Variants in EDEM1 observed in about 807,000 individuals in gnomAD.
EDEM1 encodes the protein ER degradation-enhancing alpha-mannosidase-like protein 1.
Under a neutral mutation model 74.4 loss-of-function variants are expected in EDEM1, and 67 were observed. The ratio of observed to expected loss-of-function variants is 0.90; its 90% CI spans 0.74 to 1.10. The LOEUF is 1.10. Among genes scored for constraint, EDEM1 ranks in the 50% least tolerant of loss-of-function variants. The pLI is 0.00. For missense variants in EDEM1, 926 were observed against 851.6 expected (o/e 1.09, Z -1.09); for synonymous variants, 382 against 335.9 (o/e 1.14, Z -1.50).
intron 1 of EDEM1, chr3:5,188,536 C>T (rs2054858464): frequency 2.3e-6 from 1 of 429,108 alleles, no homozygotes; most frequent in African/African-American, 2.1e-5. Context: ...CTCCCGGAAT[C>T]TCCAAACTTC....
chr3:5,202,994 A>T lies in EDEM1; in HGVS notation c.887A>T (p.Asp296Val), dbSNP rs780190959. ...RVNLKTGVPP[D>V]TNNETCTAGA... The stretch of plus-strand genomic sequence containing the variant: ...AATCTAAAGACAGGAGTTCCTCCTG[A>T]CACCAATAATGAGACATGCACAGCG... The change falls in exon 5 of 12, where the codon GAC (aspartate) becomes GTC (valine). Residue 296 changes from aspartate to valine, a missense_variant. Asp to Val is a radical substitution (Grantham distance 152, BLOSUM62 -3). Coordinates refer to ENST00000256497, the MANE Select transcript of EDEM1 (RefSeq NM_014674.3). 1 of 1,613,688 alleles carries T rather than the reference A, an allele frequency of 6.2e-7. No homozygotes were observed. Among genetic ancestry groups the T allele is most frequent in the South Asian group, 1.1e-5 (1 of 91,076 alleles).
chr3:5,205,026 T>C (rs747835974), intron 5 of EDEM1, 41 bp from the exon 6 acceptor site: 3 of 1,603,194 alleles, frequency 1.9e-6, no homozygotes, highest in Non-Finnish European at 2.6e-6. Flanking sequence ...TCCTCCCCGA[T>C]GAGACAGCTG....
chr3:5,188,270 C>T lies in EDEM1; in HGVS notation c.465C>T (p.Leu155=). 1 of 1,558,020 alleles carries T rather than the reference C, an allele frequency of 6.4e-7. No homozygotes were observed. The highest frequency in any genetic ancestry group is 8.7e-7 in the Non-Finnish European group (1 of 1,153,346). The part of the protein sequence containing the change: ...YMAHAFPQDE[L]NPIHCRGRGP... ...CTCACGCCTTCCCCCAGGACGAGCT[C>T]AACCCCATCCACTGCCGCGGCCGTG... is the stretch of plus-strand genomic sequence containing the variant. The change falls in exon 1 of 12, where the codon CTC becomes CTT. Residue 155 remains leucine (L), a synonymous_variant. Transcript: ENST00000256497.
intron 1 of EDEM1, among the ~76,000 whole-genome samples, chr3:5,193,786 C>T (rs1335053566): frequency 6.6e-6 from 1 of 152,064 alleles, no homozygotes; most frequent in African/African-American, 2.4e-5. Flanking sequence ...TTAGTAGAGA[C>T]AGGGTCTTGC....
chr3:5,193,147 T>TA (rs2054921943), intron 1 of EDEM1, among the ~76,000 whole-genome samples: 1 of 152,126 alleles, frequency 6.6e-6, no homozygotes, highest in African/African-American at 2.4e-5. Context: ...AGAGGGGAGT[T>TA]ACATGTGGTT....
At chr3:5,211,506 T>C in intron 10 of EDEM1, 1 of 322,328 alleles carries the variant, frequency 3.1e-6, no homozygotes, top group East Asian at 6.7e-5. Context: ...TGTATCTAAC[T>C]ACAGGTGGTC....
chr3:5,205,174 G>A lies in EDEM1; in HGVS notation c.1150G>A (p.Gly384Arg). 6.2e-7 allele frequency: 1 copy of A among 1,614,168 alleles called. No homozygotes were observed. The highest frequency in any genetic ancestry group is 8.5e-7 in the Non-Finnish European group (1 of 1,180,018). The stretch of plus-strand genomic sequence containing the variant: ...CCTCTTGAAATCTTACATTCTCTTT[G>A]GAGAAAAAGAAGACCTAGAAATGTT... ...EYLLKSYILF[G>R]EKEDLEMFNA... is the part of the protein sequence containing the mutation. Residue 384 changes from glycine (G) to arginine (R), a missense_variant, in exon 6 of 12, where the codon GGA (glycine) becomes AGA (arginine). Coordinates refer to ENST00000256497, the MANE Select transcript of EDEM1 (RefSeq NM_014674.3).
intron 4 of EDEM1, 102 bp from the exon 5 acceptor site, chr3:5,202,864 G>T: frequency 9.9e-7 from 1 of 1,008,690 alleles, no homozygotes; most frequent in South Asian, 1.6e-5. Context: ...TCTCACCGTG[G>T]TAAGCTTGGT....
Position 5,216,039 on chromosome 3 carries a change from TC to T in EDEM1, c.*122del. 1 of 749,018 alleles carries T rather than the reference TC, an allele frequency of 1.3e-6. No individual in the cohort carries two copies. Among genetic ancestry groups the T allele is most frequent in the Non-Finnish European group, 2.2e-6 (1 of 452,252 alleles). 46.4% of individuals were successfully genotyped at this position (749,018 alleles called of 1,614,324 possible). On this transcript the variant is annotated 3_prime_UTR_variant, in exon 12 of 12. Transcript: ENST00000256497. ...TGCTGTCCATGGTGGTGTAGGAATTTCTGTGCAACACCTCACCACGTCTGGT... is the reference window on the plus strand; with the variant it reads ...TGCTGTCCATGGTGGTGTAGGAATTTTGTGCAACACCTCACCACGTCTGGT...
At chr3:5,210,368 T>C (rs2055153280) in intron 9 of EDEM1, 120 bp downstream of exon 9, 3 of 928,916 alleles carry the variant, frequency 3.2e-6, no homozygotes, top group Admixed American at 4.4e-5. Context: ...ATGTTACATT[T>C]ACAGGGAAAT....
intron 11 of EDEM1, among the ~76,000 whole-genome samples, chr3:5,214,572 A>G (rs558141743): frequency 4.6e-5 from 7 of 152,326 alleles, no homozygotes; most frequent in South Asian, 2.1e-4. Flanking sequence ...TTGCAAACAC[A>G]TACCAGGGTT....
In EDEM1 at chr3:5,188,261, G is replaced by T; in HGVS notation, c.456G>T (p.Gln152His). 6.3e-7 allele frequency: 1 copy of T among 1,576,336 alleles called. No individual in the cohort carries two copies. Among genetic ancestry groups the T allele is most frequent in the Non-Finnish European group, 8.6e-7 (1 of 1,163,574 alleles). Residue 152 changes from glutamine to histidine, a missense_variant, in exon 1 of 12, where the codon CAG becomes CAT. Physicochemically the swap from Gln to His is conservative, Grantham distance 24. Coordinates refer to ENST00000256497, the MANE Select transcript of EDEM1 (RefSeq NM_014674.3). ...ACTACATGGCTCACGCCTTCCCCCA[G>T]GACGAGCTCAACCCCATCCACTGCC... ...YDNYMAHAFP[Q>H]DELNPIHCRG...
At chr3:5,210,865 A>C (rs888205004) in intron 9 of EDEM1, among the ~76,000 whole-genome samples, 1 of 152,184 alleles carries the variant, frequency 6.6e-6, no homozygotes, top group Non-Finnish European at 1.5e-5. Flanking sequence ...GTGCCACGTT[A>C]TGCTTCTGGC....
chr3:5,205,308 A>AT (rs915868489), intron 6 of EDEM1, 67 bp downstream of exon 6: 47 of 1,489,144 alleles, frequency 3.2e-5, no homozygotes, highest in African/African-American at 7.0e-5. Context: ...AAGCGTTTGT[A>AT]TTTTTTTTAA....
At chr3:5,215,784 A>G in intron 11 of EDEM1, 45 bp from the exon 12 acceptor site, 2 of 1,529,540 alleles carry the variant, frequency 1.3e-6, no homozygotes, top group Non-Finnish European at 1.8e-6. Context: ...TTCCTGAGAG[A>G]GCAACATATG....
In EDEM1 at chr3:5,188,135, C is replaced by T. The variant is rs187085741; in HGVS notation, c.330C>T (p.Gly110=). 5.9e-6 allele frequency: 9 copies of T among 1,531,984 alleles called. No homozygotes were observed. The East Asian group carries it at 1.0e-4, about 18-fold the overall frequency. The allele number at this position is 1,531,984 out of a possible 1,614,324, so 94.9% of individuals were successfully genotyped here. A position where few individuals can be genotyped will look rare whatever the true frequency, so the allele number is the denominator to read the frequency against. ...ACGTGCTGGGCGGCCGGGGCCGCGG[C>T]CCGGACGAGTACGAGAAGCGCTACA... is the stretch of plus-strand genomic sequence containing the variant. ...WGYVLGGRGR[G]PDEYEKRYSG... Residue 110 remains glycine, a synonymous_variant, in exon 1 of 12, where the codon GGC becomes GGT. Coordinates refer to ENST00000256497, the MANE Select transcript of EDEM1 (RefSeq NM_014674.3).
In EDEM1 at chr3:5,211,123, T is replaced by C. The variant is rs372043425; in HGVS notation, c.1587T>C (p.Cys529=). The change falls in exon 10 of 12, where the codon TGT becomes TGC. Residue 529 remains cysteine, a synonymous_variant. Transcript: ENST00000256497. ...TGACCAGATGATTGTTTTGTAGGTG[T>C]GGGTACGCCACGCTGCATCACGTCA... ...QSLEKYTKVK[C]GYATLHHVID... The C allele has an allele frequency of 8.2e-5, 132 of 1,613,928 alleles. No homozygotes were observed. Among genetic ancestry groups the C allele is most frequent in the Non-Finnish European group, 8.1e-5 (96 of 1,180,018 alleles).
intron 1 of EDEM1, 88 bp downstream of exon 1, chr3:5,188,402 C>T (rs2054856542): frequency 4.6e-6 from 6 of 1,295,244 alleles, no homozygotes; most frequent in Non-Finnish European, 5.9e-6. Flanking sequence ...CCTCCGGGGC[C>T]CCCGAGGGCG....
In EDEM1 at chr3:5,208,125, C is replaced by G; in HGVS notation, c.1371C>G (p.Cys457Trp). Residue 457 changes from cysteine to tryptophan, a missense_variant, in exon 8 of 12, where the codon TGC becomes TGG. Physicochemically the swap from Cys to Trp is radical, Grantham distance 215 (BLOSUM62 -2). Transcript: ENST00000256497. ...TAGGAGATGTGGAAGATGCCATCTG[C>G]CTTCATGCCTTCTACTATGCCATAT... ...VLIGDVEDAI[C>W]LHAFYYAIWK... 1 of 1,607,058 alleles carries G rather than the reference C, an allele frequency of 6.2e-7. No homozygotes were observed. Among genetic ancestry groups the G allele is most frequent in the Non-Finnish European group, 8.5e-7 (1 of 1,178,186 alleles).
Sources: allele counts gnomAD v4.1 joint callset (sites outside exome capture counted in the v4.1 genomes callset), GRCh38; gene constraint gnomAD v4.1.1; transcripts MANE v1.5; gene names NCBI Gene and HGNC (gene_info 2026-07-23, HGNC 2026-07-21).